Variants in FSTL5 observed in about 807,000 individuals in gnomAD.
The protein encoded by FSTL5 is follistatin-related protein 5.
FSTL5 carries 62 observed loss-of-function variants against 89.1 expected under a neutral mutation model. The observed-to-expected ratio is 0.70, with a 90% CI of 0.57 to 0.86. The LOEUF is 0.86. FSTL5 is among the 40% of genes least tolerant of loss of function. The pLI is 0.00. For missense variants in FSTL5, 1,057 were observed against 1,001.6 expected (o/e 1.06, Z -0.75); for synonymous variants, 383 against 346.2 (o/e 1.11, Z -1.18).
chr4:161,414,829 G>A (rs1327042633), intron 15 of FSTL5, among the ~76,000 whole-genome samples: 1 of 152,130 alleles, frequency 6.6e-6, no homozygotes, highest in Non-Finnish European at 1.5e-5. Context: ...TTCTTTGTAT[G>A]GTGAAAAACA....
At chr4:161,520,158 T>C (rs929134192) in intron 10 of FSTL5, among the ~76,000 whole-genome samples, 2 of 151,960 alleles carry the variant, frequency 1.3e-5, no homozygotes, top group African/African-American at 4.8e-5. Flanking sequence ...TAGATATTAA[T>C]TAGCATATGT....
intron 6 of FSTL5, among the ~76,000 whole-genome samples, chr4:161,681,340 C>G (rs577761393): frequency 3.3e-5 from 5 of 151,952 alleles, no homozygotes; most frequent in African/African-American, 4.8e-5. Flanking sequence ...AATTAGGAAA[C>G]AAGTTAACAG....
intron 15 of FSTL5, among the ~76,000 whole-genome samples, chr4:161,440,355 G>T (rs1732717354): frequency 6.6e-6 from 1 of 151,738 alleles, no homozygotes; most frequent in Admixed American, 6.6e-5. Context: ...AATGGAAGAA[G>T]AAGCATTGTC....
At chr4:161,438,758 A>AT (rs1732659962) in intron 15 of FSTL5, among the ~76,000 whole-genome samples, 1 of 152,116 alleles carries the variant, frequency 6.6e-6, no homozygotes, top group Non-Finnish European at 1.5e-5. Context: ...GCAAATGATT[A>AT]ATTTTTTTAC....
At chr4:161,445,338 T>C (rs1477049943) in intron 15 of FSTL5, among the ~76,000 whole-genome samples, 1 of 151,894 alleles carries the variant, frequency 6.6e-6, no homozygotes, top group Non-Finnish European at 1.5e-5. Context: ...CTAAAATTCG[T>C]ATTCTTGACT....
rs182675586 is a variant in FSTL5 at position 161,976,567 on chromosome 4, C to T, written c.161-55915G>A. The stretch of plus-strand genomic sequence containing the variant: ...TGCCATCTCGGCTCACTGCAAGCTC[C>T]GCCTTCCGTGTTCACGCCATTCTCC... On this transcript the variant is annotated intron_variant, in intron 3 of 15. Transcript: ENST00000306100. Among the ~76,000 whole-genome samples, 208 of 152,176 alleles carry T rather than the reference C, an allele frequency of 1.4e-3. 1 individual carries two copies. Among genetic ancestry groups the T allele is most frequent in the African/African-American group, 4.7e-3 (195 of 41,526 alleles).
chr4:161,693,044 T>A (rs951002729), intron 6 of FSTL5, among the ~76,000 whole-genome samples: 1 of 152,102 alleles, frequency 6.6e-6, no homozygotes, highest in Non-Finnish European at 1.5e-5. Context: ...ATATTAGACA[T>A]CTGGCCTCCA....
intron 6 of FSTL5, among the ~76,000 whole-genome samples, chr4:161,692,008 AATAC>A (rs1737958897): frequency 6.6e-6 from 1 of 152,112 alleles, no homozygotes; most frequent in Non-Finnish European, 1.5e-5. Context: ...TACCTACAAA[AATAC>A]ATATATATAA....
chr4:161,709,650 G>C (rs1738707215), intron 6 of FSTL5, among the ~76,000 whole-genome samples: 1 of 151,982 alleles, frequency 6.6e-6, no homozygotes, highest in Admixed American at 6.6e-5. Context: ...CAAAAAATTA[G>C]CTAGTCGTGG....
chr4:162,022,084 C>T (rs1737108920), intron 3 of FSTL5, among the ~76,000 whole-genome samples: 1 of 147,024 alleles, frequency 6.8e-6, no homozygotes, highest in Admixed American at 6.9e-5. Flanking sequence ...GAGCAAGACT[C>T]TGTCTCAGGG....
chr4:161,941,037 G>A (rs1489808334), intron 3 of FSTL5, among the ~76,000 whole-genome samples: 2 of 151,712 alleles, frequency 1.3e-5, no homozygotes, highest in Non-Finnish European at 3.0e-5. Context: ...GAATGAAGCT[G>A]TACGAAAAAG....
chr4:162,111,849 T>G (rs763768188), intron 1 of FSTL5, among the ~76,000 whole-genome samples: 2 of 152,146 alleles, frequency 1.3e-5, no homozygotes, highest in Non-Finnish European at 2.9e-5. Context: ...CTGGTAAATA[T>G]TGATGAGAAG....
At chr4:161,396,453 C>T (rs1381541873) in intron 15 of FSTL5, among the ~76,000 whole-genome samples, 1 of 150,060 alleles carries the variant, frequency 6.7e-6, no homozygotes, top group Non-Finnish European at 1.5e-5. Context: ...ACCATCCTAG[C>T]CAACATGGTG....
chr4:161,596,223 T>G (rs1734007489), intron 7 of FSTL5, among the ~76,000 whole-genome samples: 1 of 151,802 alleles, frequency 6.6e-6, no homozygotes, highest in Admixed American at 6.6e-5. Context: ...ACTGTGAAAA[T>G]AATAAATTAA....
chr4:161,486,014 C>T (rs1729664623), intron 12 of FSTL5, among the ~76,000 whole-genome samples: 1 of 151,762 alleles, frequency 6.6e-6, no homozygotes, highest in Non-Finnish European at 1.5e-5. Flanking sequence ...CACGGTGGTG[C>T]ACGCCTGTAA....
chr4:161,716,978 T>G (rs892539201), intron 6 of FSTL5, among the ~76,000 whole-genome samples: 8 of 152,200 alleles, frequency 5.3e-5, no homozygotes, highest in African/African-American at 9.7e-5. Context: ...TTGAAAATTT[T>G]TATGGTTAGA....
intron 2 of FSTL5, among the ~76,000 whole-genome samples, chr4:162,086,174 G>A (rs1211786073): frequency 1.3e-5 from 2 of 151,770 alleles, no homozygotes; most frequent in Non-Finnish European, 2.9e-5. Flanking sequence ...AATTTCTCCA[G>A]GCACCAGGCT....
chr4:161,673,932 G>A (rs1413213171), intron 6 of FSTL5, among the ~76,000 whole-genome samples: 1 of 151,828 alleles, frequency 6.6e-6, no homozygotes, highest in Admixed American at 6.6e-5. Context: ...TCAAAACTTT[G>A]TAATCTGTCT....
chr4:161,573,733 C>CAAAAAAAAAAAAAAAAAAAAAAA (rs70937664), intron 8 of FSTL5, among the ~76,000 whole-genome samples: 2 of 50,622 alleles, frequency 4.0e-5, no homozygotes, highest in Admixed American at 2.8e-4. Flanking sequence ...AACTCCAGCT[C>CAAAAAAAAAAAAAAAAAAAAAAA]AAAAAAAAAA....
Sources: allele counts gnomAD v4.1 joint callset (sites outside exome capture counted in the v4.1 genomes callset), GRCh38; gene constraint gnomAD v4.1.1; transcripts MANE v1.5; gene names NCBI Gene and HGNC (gene_info 2026-07-23, HGNC 2026-07-21).